The following ERCC6 variants were observed in gnomAD, a reference collection of about 807,000 sequenced individuals.
ERCC6 encodes ERCC excision repair 6, chromatin remodeling factor, also known as DNA excision repair protein ERCC-6.
A neutral mutation model predicts 158.7 loss-of-function variants in ERCC6; 116 were observed. The ratio of observed to expected loss-of-function variants is 0.73; its 90% confidence interval spans 0.63 to 0.85. ERCC6 has a LOEUF of 0.85. Among genes scored for constraint, ERCC6 ranks in the 40% least tolerant of loss-of-function variants. ERCC6 has a pLI of 0.00. For missense variants in ERCC6, 1,698 were observed against 1,799.4 expected, an observed-to-expected ratio of 0.94 and a Z score of 1.02; for synonymous variants, 678 against 659.3, an observed-to-expected ratio of 1.03 and a Z score of -0.43.
At chr10:49,517,999 G>A (rs1264008764) in intron 5 of ERCC6, among the ~76,000 whole-genome samples, 2 of 152,202 alleles carry the variant, frequency 1.3e-5, no homozygotes, top group Non-Finnish European at 2.9e-5. Flanking sequence ...TAAAAAAAAG[G>A]CACAATCAAA....
intron 6 of ERCC6, chr10:49,504,901 T>A (rs1481937207): frequency 6.6e-6 from 1 of 152,072 alleles, no homozygotes; most frequent in Non-Finnish European, 1.5e-5. Context: ...CCTACCCCAA[T>A]GGAGAGAAAA....
chr10:49,455,307 TATTA>T lies in ERCC6; in HGVS notation c.*3504_*3507del, dbSNP rs1850467510. 6.6e-6 allele frequency: 1 copy of T among 152,190 alleles called. No individual in the cohort carries two copies. The highest frequency in any genetic ancestry group is 2.4e-5 in the African/African-American group (1 of 41,452). The allele number at this position is 152,190 out of a possible 1,614,324, so 9.4% of individuals were successfully genotyped here. A position where few individuals can be genotyped will look rare whatever the true frequency, so the allele number is the denominator to read the frequency against. On this transcript the variant is annotated 3_prime_UTR_variant, in exon 21 of 21. Transcript: ENST00000355832. ...ATCATAACACTAATCAGAAACATTATATTAATTATAAAGAGGTCTATTATTCTCA... is the reference window on the plus strand; with the variant it reads ...ATCATAACACTAATCAGAAACATTATATTATAAAGAGGTCTATTATTCTCA...
rs1438995051 is a variant in ERCC6, at chr10:49,514,946, CAGTT to C, written c.1398-8938_1398-8935del. On this transcript the variant is annotated intron_variant, in intron 5 of 20. Coordinates refer to ENST00000355832, the MANE Select transcript of ERCC6 (RefSeq NM_000124.4). ...CAAATCTGAGCAGATGAAATACCCT[CAGTT>C]AGGAGTGCAGATCTCATGGAGTAAA... Among the ~76,000 whole-genome samples, 14 of 152,266 alleles carry C rather than the reference CAGTT, an allele frequency of 9.2e-5. 1 individual carries two copies. The South Asian group carries it at 2.1e-3, about 23-fold the overall frequency.
the ERCC6 span, among the ~76,000 whole-genome samples, chr10:49,448,167 G>C: frequency 1.3e-5 from 2 of 152,138 alleles, no homozygotes; most frequent in African/African-American, 4.8e-5. Flanking sequence ...AATGTATAAA[G>C]GTTTGCTTAT....
chr10:49,489,744 A>G (rs1358002957), intron 8 of ERCC6, among the ~76,000 whole-genome samples: 6 of 152,218 alleles, frequency 3.9e-5, no homozygotes, highest in Non-Finnish European at 7.3e-5. Flanking sequence ...AAATTGAAAA[A>G]AAAATCCTTA....
chr10:49,439,553 G>A, the ERCC6 span, among the ~76,000 whole-genome samples: 2 of 152,192 alleles, frequency 1.3e-5, no homozygotes, highest in African/African-American at 4.8e-5. Context: ...ACATGTCCTG[G>A]AGACATTTTC....
intron 6 of ERCC6, chr10:49,503,728 T>C (rs1411327735): frequency 6.6e-6 from 1 of 152,204 alleles, no homozygotes; most frequent in Non-Finnish European, 1.5e-5. Context: ...AAAAACATAT[T>C]ATAGAATCTA....
At chr10:49,451,196 G>A (rs1194118418), downstream of ERCC6, among the ~76,000 whole-genome samples, 1 of 67,990 alleles carries the variant, frequency 1.5e-5, no homozygotes, top group Non-Finnish European at 3.7e-5. Context: ...TTTTTTTTTG[G>A]TGGATTCCCT....
In ERCC6 at chr10:49,483,405, A is replaced by G. The variant is rs1382183290; in HGVS notation, c.1933T>C (p.Leu645=). 7 of 1,614,158 alleles carry G rather than the reference A, an allele frequency of 4.3e-6. No individual in the cohort carries two copies. In the Admixed American group the frequency reaches 6.7e-5, roughly 15 times the overall value. Residue 645 remains leucine (L), a synonymous_variant, in exon 9 of 21, where the codon TTG becomes CTG. Transcript: ENST00000355832. ...TTTCGAATTTTGTGTCCTTCGTCCA[A>G]GATCACATAGTGCCAGTCATACCTG... The part of the protein sequence containing the change: ...ISRYDWHYVI[L]DEGHKIRNPN...
intron 9 of ERCC6, 102 bp from the exon 10 acceptor site, chr10:49,482,965 T>A: frequency 8.5e-7 from 1 of 1,178,212 alleles, no homozygotes; most frequent in Non-Finnish European, 1.2e-6. Context: ...CATTTACTCA[T>A]CATTCTTGCA....
intron 4 of ERCC6, chr10:49,525,374 C>T (rs1040884134): frequency 5.0e-5 from 8 of 160,648 alleles, no homozygotes; most frequent in Admixed American, 4.1e-4. Context: ...AAGAGCTACA[C>T]GTGACTAATG....
downstream of ERCC6, among the ~76,000 whole-genome samples, chr10:49,453,597 A>G (rs73297743): frequency 0.039 from 6,003 of 152,298 alleles, 398 homozygotes; most frequent in African/African-American, 0.14. Flanking sequence ...TTATAATTAT[A>G]TAATTGCTTT....
At position 49,524,102 on chromosome 10, in the gene ERCC6, CCTCCTT is replaced by C; in HGVS notation, c.1322_1327del (p.Glu441_Gly442del). ...TCTTCCCACTTTCCGACCTCCTCCT[CCTCCTT>C]CTCCTACAGAAGCAGCTTCAGCTTC... On this transcript the variant is annotated inframe_deletion, in exon 5 of 21. Coordinates refer to ENST00000355832, the MANE Select transcript of ERCC6 (RefSeq NM_000124.4). 6.2e-7 allele frequency: 1 copy of C among 1,614,036 alleles called. No individual in the cohort carries two copies. Among genetic ancestry groups the C allele is most frequent in the Non-Finnish European group, 8.5e-7 (1 of 1,180,028 alleles).
At chr10:49,460,154 C>G in intron 20 of ERCC6, 1 of 599,664 alleles carries the variant, frequency 1.7e-6, no homozygotes. Context: ...AACAGAAATG[C>G]TGCTACGGAT....
intron 5 of ERCC6, 92 bp downstream of exon 5, chr10:49,523,940 AT>A (rs1490477332): frequency 6.4e-7 from 1 of 1,560,888 alleles, no homozygotes; most frequent in Non-Finnish European, 8.7e-7. Context: ...GGTCTAATAT[AT>A]TAAGCTGGAT....
rs184761293 is a variant in ERCC6 at position 49,473,897 on chromosome 10, G to A, written c.2598+130C>T. ...AAAGATCTAAACTCCCAAAGAAATC[G>A]GTAGACTGCCACCTCAGCATCAGTG... On this transcript the variant is annotated intron_variant, in intron 13 of 20. Coordinates refer to ENST00000355832, the MANE Select transcript of ERCC6 (RefSeq NM_000124.4). 2.9e-5 allele frequency: 26 copies of A among 885,946 alleles called. No homozygotes were observed. The Admixed American group carries it at 3.0e-4, about 10-fold the overall frequency. 54.9% of individuals were successfully genotyped at this position (885,946 alleles called of 1,614,324 possible).
At chr10:49,452,166 T>G (rs1380342165), downstream of ERCC6, among the ~76,000 whole-genome samples, 1 of 151,904 alleles carries the variant, frequency 6.6e-6, no homozygotes, top group Non-Finnish European at 1.5e-5. Flanking sequence ...AGTTTGTTCT[T>G]CTTTCTTCAG....
intron 3 of ERCC6, among the ~76,000 whole-genome samples, chr10:49,530,308 C>A (rs896607203): frequency 1.3e-5 from 2 of 152,208 alleles, no homozygotes; most frequent in Admixed American, 6.5e-5. Context: ...ATGGGTTTAT[C>A]AGGGCATAAC....
the ERCC6 span, among the ~76,000 whole-genome samples, chr10:49,440,821 G>A: frequency 6.6e-6 from 1 of 152,116 alleles, no homozygotes; most frequent in African/African-American, 2.4e-5. Flanking sequence ...CAGGCATGGT[G>A]GGCACTACTA....
Sources: gnomAD v4.1 joint callset for allele counts (sites outside exome capture counted in the v4.1 genomes callset) on GRCh38, gnomAD v4.1.1 for gene constraint, MANE v1.5 for transcripts, NCBI Gene and HGNC (gene_info 2026-07-23, HGNC 2026-07-21) for gene names.